ALMS1: variants seen among roughly 807,000 people sequenced by gnomAD.
ALMS1 encodes ALMS1 centrosome and basal body associated protein.
In ALMS1, 271 loss-of-function variants were observed where a neutral mutation model predicts 352.2. The ratio of observed to expected loss-of-function variants is 0.77; its 90% CI spans 0.70 to 0.85. The LOEUF (loss-of-function observed/expected upper bound fraction) is 0.85. Ranked by LOEUF, ALMS1 falls within the 40% of genes least tolerant of loss-of-function variation. ALMS1 has a pLI of 0.00. For synonymous variants in ALMS1, 1,865 were observed against 1,761.2 expected (o/e 1.06, Z -1.48); for missense variants, 5,445 against 4,870.7 (o/e 1.12, Z -3.51).
chr2:73,430,356 G>A (rs1263082184), intron 6 of ALMS1, among the ~76,000 whole-genome samples: 1 of 152,208 alleles, frequency 6.6e-6, no homozygotes. Flanking sequence ...GATTACAGGC[G>A]TGAACCAACG....
intron 11 of ALMS1, among the ~76,000 whole-genome samples, chr2:73,526,744 A>G (rs115378298): frequency 3.9e-5 from 6 of 152,226 alleles, no homozygotes; most frequent in African/African-American, 9.6e-5. Flanking sequence ...TTCCTTTCCA[A>G]TCTGGATCTC....
chr2:73,394,355 T>C (rs1047953269), intron 1 of ALMS1, among the ~76,000 whole-genome samples: 1 of 152,058 alleles, frequency 6.6e-6, no homozygotes, highest in African/African-American at 2.4e-5. Context: ...TTAAATCATC[T>C]GGTCCTTTTT....
At position 73,416,588 on chromosome 2, in the gene ALMS1, A is replaced by G. The variant is rs77261427; in HGVS notation, c.451-2535A>G. The stretch of plus-strand genomic sequence containing the variant: ...AAAATGTTTGCGAAAATATTTGTAA[A>G]TTGTAATACATCTTCTTTTTATGGA... On this transcript the variant is annotated intron_variant, in intron 2 of 22. Transcript: ENST00000613296. Among the ~76,000 whole-genome samples, 10 of 152,328 alleles carry G rather than the reference A, an allele frequency of 6.6e-5. No individual in the cohort carries two copies. The East Asian group carries it at 1.7e-3, about 26-fold the overall frequency.
chr2:73,563,727 AAAAAAAAAAAAAATAAAAAT>A (rs1187704672), intron 15 of ALMS1, among the ~76,000 whole-genome samples: 1 of 106,204 alleles, frequency 9.4e-6, no homozygotes, highest in African/African-American at 6.1e-5. Flanking sequence ...CATCTCAAAA[AAAAAAAAAAAAAATAAAAAT>A]AAAAAATGAA....
At chr2:73,499,899 T>G (rs1673186041) in intron 10 of ALMS1, among the ~76,000 whole-genome samples, 1 of 152,140 alleles carries the variant, frequency 6.6e-6, no homozygotes, top group Non-Finnish European at 1.5e-5. Context: ...TCTCTTCCCG[T>G]GTGATGTGGG....
At chr2:73,588,093 AAAG>A (rs1675347946) in intron 16 of ALMS1, among the ~76,000 whole-genome samples, 2 of 152,324 alleles carry the variant, frequency 1.3e-5, no homozygotes, top group Admixed American at 6.5e-5. Context: ...TCAGACATTC[AAAG>A]AAGAATTGGT....
chr2:73,607,001 C>T (rs1675830772), intron 21 of ALMS1, among the ~76,000 whole-genome samples: 1 of 152,088 alleles, frequency 6.6e-6, no homozygotes, highest in Non-Finnish European at 1.5e-5. Context: ...CTCCATGAAT[C>T]TAGTGATTTT....
chr2:73,516,590 A>G (rs547237901), intron 10 of ALMS1, among the ~76,000 whole-genome samples: 1 of 152,344 alleles, frequency 6.6e-6, no homozygotes, highest in South Asian at 2.1e-4. Context: ...TTCAACAACT[A>G]AATATTGTAA....
intron 9 of ALMS1, among the ~76,000 whole-genome samples, chr2:73,468,187 A>G (rs1431585762): frequency 6.6e-6 from 1 of 152,002 alleles, no homozygotes; most frequent in African/African-American, 2.4e-5. Flanking sequence ...ACTTTATAAA[A>G]AGCATCAAGG....
intron 7 of ALMS1, among the ~76,000 whole-genome samples, chr2:73,439,733 G>A (rs1014401161): frequency 3.3e-5 from 5 of 151,990 alleles, no homozygotes; most frequent in African/African-American, 9.7e-5. Context: ...TGGAGACAGG[G>A]TGTCACCATG....
chr2:73,498,046 T>G (rs1673145734), intron 10 of ALMS1, among the ~76,000 whole-genome samples: 1 of 152,160 alleles, frequency 6.6e-6, no homozygotes, highest in Non-Finnish European at 1.5e-5. Context: ...CAAGTGATGT[T>G]TACACTATAC....
At chr2:73,478,170 A>T (rs1403492312) in intron 9 of ALMS1, among the ~76,000 whole-genome samples, 1 of 152,172 alleles carries the variant, frequency 6.6e-6, no homozygotes, top group Non-Finnish European at 1.5e-5. Flanking sequence ...ATTTTATCAC[A>T]AAAACGTATT....
At chr2:73,500,907 G>A (rs951993496) in intron 10 of ALMS1, among the ~76,000 whole-genome samples, 2 of 152,036 alleles carry the variant, frequency 1.3e-5, no homozygotes, top group African/African-American at 4.8e-5. Context: ...GATTAGATAC[G>A]CTAACCTGGA....
chr2:73,428,966 G>T (rs1299054309), intron 6 of ALMS1, among the ~76,000 whole-genome samples: 2 of 152,152 alleles, frequency 1.3e-5, no homozygotes, highest in African/African-American at 4.8e-5. Flanking sequence ...GTATGATGGA[G>T]CTTGGAACTG....
chr2:73,542,350 G>A (rs1434930672), intron 12 of ALMS1, among the ~76,000 whole-genome samples: 1 of 152,122 alleles, frequency 6.6e-6, no homozygotes, highest in African/African-American at 2.4e-5. Context: ...AATAAATGAG[G>A]TATTGATGGG....
At position 73,452,969 on chromosome 2, in the gene ALMS1, C is replaced by A. The variant is rs377360750; in HGVS notation, c.6442C>A (p.Pro2148Thr). Residue 2148 changes from proline to threonine, a missense_variant, in exon 8 of 23, where the codon CCA (proline) becomes ACA (threonine). Coordinates refer to ENST00000613296, the MANE Select transcript of ALMS1 (RefSeq NM_001378454.1). ...LPSSFSHREKPDIFYQKDLPD... is the reference protein window; with the variant it reads ...LPSSFSHREKTDIFYQKDLPD... Reference sequence around the variant, plus strand: ...TAGTTCCTTTTCACATCGAGAGAAACCAGATATTTTCTATCAAAAGGATTT... The same window carrying A: ...TAGTTCCTTTTCACATCGAGAGAAAACAGATATTTTCTATCAAAAGGATTT... 66 of 1,612,374 alleles carry A rather than the reference C, an allele frequency of 4.1e-5. No homozygotes were observed. The African/African-American group carries it at 8.5e-4, about 21-fold the overall frequency.
intron 8 of ALMS1, 21 bp from the exon 9 acceptor site, chr2:73,455,141 A>AAGTGTATG: frequency 6.2e-7 from 1 of 1,612,170 alleles, no homozygotes; most frequent in Non-Finnish European, 8.5e-7. Flanking sequence ...GTATTATCTC[A>AAGTGTATG]AGTGTATGCT....
chr2:73,506,522 C>T (rs1673330105), intron 10 of ALMS1, among the ~76,000 whole-genome samples: 1 of 152,072 alleles, frequency 6.6e-6, no homozygotes, highest in Admixed American at 6.5e-5. Context: ...ATGTTGTATT[C>T]CTAGGTATTT....
At chr2:73,591,719 G>A (rs1271061881) in intron 16 of ALMS1, among the ~76,000 whole-genome samples, 2 of 152,134 alleles carry the variant, frequency 1.3e-5, no homozygotes, top group African/African-American at 4.8e-5. Context: ...TAAAGGTGGT[G>A]GTAATTCTTA....
Sources: gnomAD v4.1 joint callset for allele counts (sites outside exome capture counted in the v4.1 genomes callset) on GRCh38, gnomAD v4.1.1 for gene constraint, MANE v1.5 for transcripts, NCBI Gene and HGNC (gene_info 2026-07-23, HGNC 2026-07-21) for gene names.